Variants in LY6G6F observed in about 807,000 individuals in gnomAD.
The protein encoded by LY6G6F is lymphocyte antigen 6 complex locus protein G6f.
LY6G6F carries 26 observed loss-of-function variants against 33.0 expected under a neutral mutation model. The observed-to-expected ratio is 0.79, with a 90% CI of 0.58 to 1.09. The LOEUF (loss-of-function observed/expected upper bound fraction) is 1.09. LY6G6F is among the 50% of genes least tolerant of loss of function. LY6G6F has a pLI of 0.00. For synonymous variants in LY6G6F, 132 were observed against 148.1 expected, an observed-to-expected ratio of 0.89 and a Z score of 0.79; for missense variants, 317 against 372.0, an observed-to-expected ratio of 0.85 and a Z score of 1.22.
In LY6G6F at chr6:31,707,796, G is replaced by A; in HGVS notation, c.382+9G>A. 6.2e-7 allele frequency: 1 copy of A among 1,610,646 alleles called. No homozygotes were observed. ...CGTCTTGGTGCTCAAAGGTGAGTGG[G>A]GGCATGCAGACCAGGGGCTACTGTG... On this transcript the variant is annotated intron_variant, in intron 2 of 5. Coordinates refer to ENST00000375832, the MANE Select transcript of LY6G6F (RefSeq NM_001003693.3). This position sits in a 1 kb window ranked among gnomAD's most constrained non-coding sequence, Gnocchi z 4.1.
At chr6:31,709,977 G>A (rs776428825) in intron 3 of LY6G6F, 49 bp from the exon 4 acceptor site, 1 of 1,569,052 alleles carries the variant, frequency 6.4e-7, no homozygotes, top group African/African-American at 1.3e-5. Flanking sequence ...ACAGGGACAG[G>A]GCCCCTCACT....
intron 3 of LY6G6F, 70 bp downstream of exon 3, chr6:31,708,204 C>G (rs756126233): frequency 1.1e-5 from 17 of 1,487,724 alleles, no homozygotes; most frequent in Middle Eastern, 2.2e-4. Flanking sequence ...GAATTACAGG[C>G]GCCCGCCACC....
At chr6:31,708,320 C>G (rs1485687051) in intron 3 of LY6G6F, among the ~76,000 whole-genome samples, 186 bp downstream of exon 3, 5 of 152,190 alleles carry the variant, frequency 3.3e-5, no homozygotes, top group Non-Finnish European at 7.3e-5. Context: ...CTCAGTCTCC[C>G]AAAGTGCTGG....
Position 31,707,968 on chromosome 6 carries a change from G to A in LY6G6F, c.480G>A (p.Gln160=). The A allele has an allele frequency of 6.2e-7, 1 of 1,613,128 alleles. No individual in the cohort carries two copies. The highest frequency in any genetic ancestry group is 8.5e-7 in the Non-Finnish European group (1 of 1,180,040). Residue 160 remains glutamine, a synonymous_variant, in exon 3 of 6, where the codon CAG becomes CAA. Coordinates refer to ENST00000375832, the MANE Select transcript of LY6G6F (RefSeq NM_001003693.3). The surrounding 1 kb of genome is among the most constrained non-coding windows in gnomAD (Gnocchi z 4.1). ...PSRRMDSVTW[Q]EGKGPVRGRV... ...GACGCATGGACTCTGTGACCTGGCA[G>A]GAAGGGAAGGGTCCCGTGAGGGGCC... is the stretch of plus-strand genomic sequence containing the variant.
At position 31,710,522 on chromosome 6, in the gene LY6G6F, A is replaced by C. The variant is rs747955485; in HGVS notation, c.870-45A>C. 1 of 1,613,932 alleles carries C rather than the reference A, an allele frequency of 6.2e-7. No homozygotes were observed. Among genetic ancestry groups the C allele is most frequent in the African/African-American group, 1.3e-5 (1 of 74,878 alleles). The stretch of plus-strand genomic sequence containing the variant: ...ATGGGCCCTCGTTCCTGAGGATGTG[A>C]AAAGTAGAGGTATCCTTAATCTGTC... On this transcript the variant is annotated intron_variant, in intron 5 of 5. Coordinates refer to ENST00000375832, the MANE Select transcript of LY6G6F (RefSeq NM_001003693.3). The surrounding 1 kb of genome is among the most constrained non-coding windows in gnomAD (Gnocchi z 4.7).
In LY6G6F at chr6:31,706,976, C is replaced by T. The variant is rs76391889; in HGVS notation, c.52+18C>T. 2.5e-5 allele frequency: 41 copies of T among 1,613,134 alleles called. No individual in the cohort carries two copies. The highest frequency in any genetic ancestry group is 6.7e-5 in the East Asian group (3 of 44,860). Reference sequence around the variant, plus strand: ...GGCTGCAGGTAAGGGGCAAGAGGTACGGGATTCCTTAGCTATTTGCAAGGT... The same window carrying T: ...GGCTGCAGGTAAGGGGCAAGAGGTATGGGATTCCTTAGCTATTTGCAAGGT... On this transcript the variant is annotated intron_variant, in intron 1 of 5. Transcript: ENST00000375832.
In LY6G6F at chr6:31,707,542, A is replaced by G; in HGVS notation, c.137A>G (p.His46Arg). ...CCACCTACTCTACATGGGGACGAAC[A>G]CCTGTCATGGTTCTGCAGCCCTGCA... ...PSPPTLHGDE[H>R]LSWFCSPAAG... The change falls in exon 2 of 6, where the codon CAC becomes CGC. Residue 46 changes from histidine (H) to arginine (R), a missense_variant. Physicochemically the swap from His to Arg is conservative, Grantham distance 29. Transcript: ENST00000375832. This position sits in a 1 kb window ranked among gnomAD's most constrained non-coding sequence, Gnocchi z 4.1. The G allele has an allele frequency of 6.2e-7, 1 of 1,614,042 alleles. No homozygotes were observed. The highest frequency in any genetic ancestry group is 8.5e-7 in the Non-Finnish European group (1 of 1,179,978).
intron 3 of LY6G6F, 76 bp from the exon 4 acceptor site, chr6:31,709,950 A>G: frequency 1.4e-6 from 2 of 1,450,278 alleles, no homozygotes; most frequent in Non-Finnish European, 1.9e-6. Flanking sequence ...TGTGGAGGGG[A>G]AGCCTCTCTT....
In LY6G6F at chr6:31,709,967, A is replaced by C. The variant is rs1805903791; in HGVS notation, c.647-59A>C. 3.9e-6 allele frequency: 6 copies of C among 1,536,390 alleles called. 1 individual carries two copies. The South Asian group carries it at 7.2e-5, about 18-fold the overall frequency. On this transcript the variant is annotated intron_variant, in intron 3 of 5. Transcript: ENST00000375832. ...TGGAGGGGAAGCCTCTCTTTGGGGC[A>C]CAGGGACAGGGCCCCTCACTACCTC... is the stretch of plus-strand genomic sequence containing the variant.
Position 31,710,255 on chromosome 6 carries a change from T to C in LY6G6F, c.802+74T>C, listed in dbSNP as rs1282278554. 8 of 1,611,836 alleles carry C rather than the reference T, an allele frequency of 5.0e-6. No individual in the cohort carries two copies. Among genetic ancestry groups the C allele is most frequent in the Non-Finnish European group, 6.8e-6 (8 of 1,179,284 alleles). On this transcript the variant is annotated intron_variant, in intron 4 of 5. Coordinates refer to ENST00000375832, the MANE Select transcript of LY6G6F (RefSeq NM_001003693.3). This position sits in a 1 kb window ranked among gnomAD's most constrained non-coding sequence, Gnocchi z 4.7. ...CAAAGGGCTAGGCTCACACCCCGCCTCTGTACCCCACCTCCTCTAGGGGAG... is the reference window on the plus strand; with the variant it reads ...CAAAGGGCTAGGCTCACACCCCGCCCCTGTACCCCACCTCCTCTAGGGGAG...
chr6:31,709,080 T>TC (rs1805830083), intron 3 of LY6G6F, among the ~76,000 whole-genome samples: 1 of 139,530 alleles, frequency 7.2e-6, no homozygotes, highest in Non-Finnish European at 1.5e-5. Flanking sequence ...TTTTTTTTTT[T>TC]TTTTTTTTTT....
At position 31,710,631 on chromosome 6, in the gene LY6G6F, G is replaced by T; in HGVS notation, c.*40G>T. The T allele has an allele frequency of 6.2e-7, 1 of 1,613,536 alleles. No homozygotes were observed. Among genetic ancestry groups the T allele is most frequent in the South Asian group, 1.1e-5 (1 of 91,060 alleles). On this transcript the variant is annotated 3_prime_UTR_variant, in exon 6 of 6. Coordinates refer to ENST00000375832, the MANE Select transcript of LY6G6F (RefSeq NM_001003693.3). The surrounding 1 kb of genome is among the most constrained non-coding windows in gnomAD (Gnocchi z 4.7). Reference sequence around the variant, plus strand: ...GCTGGGAAGTGTGACCTGCTGTCTCGCTGGCCATCTGGCACCTGGAAGATT... The same window carrying T: ...GCTGGGAAGTGTGACCTGCTGTCTCTCTGGCCATCTGGCACCTGGAAGATT...
At position 31,707,015 on chromosome 6, in the gene LY6G6F, C is replaced by T. The variant is rs1345005406; in HGVS notation, c.52+57C>T. ...TATTTGCAAGGTTGGGGAGGGACTA[C>T]TGCTCTTTCTCCTAGGAGCCTGGCG... On this transcript the variant is annotated intron_variant, in intron 1 of 5. Coordinates refer to ENST00000375832, the MANE Select transcript of LY6G6F (RefSeq NM_001003693.3). The surrounding 1 kb of genome is among the most constrained non-coding windows in gnomAD (Gnocchi z 4.1). 2 of 1,561,442 alleles carry T rather than the reference C, an allele frequency of 1.3e-6. No homozygotes were observed. The highest frequency in any genetic ancestry group is 1.8e-6 in the Non-Finnish European group (2 of 1,132,246).
At position 31,707,617 on chromosome 6, in the gene LY6G6F, C is replaced by T. The variant is rs1484462579; in HGVS notation, c.212C>T (p.Ala71Val). Reference protein sequence around the residue: ...LVAQVQVGRPAPDPGKPGRES... With the variant: ...LVAQVQVGRPVPDPGKPGRES... ...GCCCAAGTCCAAGTGGGCAGGCCAG[C>T]CCCAGACCCTGGAAAACCAGGAAGG... The change falls in exon 2 of 6, where the codon GCC (alanine) becomes GTC (valine). Residue 71 changes from alanine (A) to valine (V), a missense_variant. Physicochemically the swap from Ala to Val is moderately conservative, Grantham distance 64. Coordinates refer to ENST00000375832, the MANE Select transcript of LY6G6F (RefSeq NM_001003693.3). The surrounding 1 kb of genome is among the most constrained non-coding windows in gnomAD (Gnocchi z 4.1). 1 of 1,613,794 alleles carries T rather than the reference C, an allele frequency of 6.2e-7. No homozygotes were observed. The highest frequency in any genetic ancestry group is 8.5e-7 in the Non-Finnish European group (1 of 1,179,824).
At position 31,706,948 on chromosome 6, in the gene LY6G6F, C is replaced by G; in HGVS notation, c.42C>G (p.Pro14=). ...LFLLLFLCGT[P]QAADNMQAIY... The stretch of plus-strand genomic sequence containing the variant: ...TCCTCCTGTTCCTATGTGGAACTCC[C>G]CAGGCTGCAGGTAAGGGGCAAGAGG... Residue 14 remains proline, a synonymous_variant, in exon 1 of 6, where the codon CCC becomes CCG. Transcript: ENST00000375832. 1 of 1,614,088 alleles carries G rather than the reference C, an allele frequency of 6.2e-7. No individual in the cohort carries two copies. The highest frequency in any genetic ancestry group is 8.5e-7 in the Non-Finnish European group (1 of 1,180,010).
At position 31,708,047 on chromosome 6, in the gene LY6G6F, G is replaced by A. The variant is rs1241620514; in HGVS notation, c.559G>A (p.Glu187Lys). ...TGCCCTGCTCTTGGTGTGTCCTGGG[G>A]AGGGGCTTTCTGAGCCCAGGAGCCG... ...EAALLLVCPGEGLSEPRSRRP... is the reference protein window; with the variant it reads ...EAALLLVCPGKGLSEPRSRRP... The change falls in exon 3 of 6, where the codon GAG (glutamate) becomes AAG (lysine). Residue 187 changes from glutamate to lysine, a missense_variant. Physicochemically the swap from Glu to Lys is moderately conservative, Grantham distance 56 (BLOSUM62 1). Coordinates refer to ENST00000375832, the MANE Select transcript of LY6G6F (RefSeq NM_001003693.3). The A allele has an allele frequency of 6.2e-7, 1 of 1,611,764 alleles. No individual in the cohort carries two copies. Among genetic ancestry groups the A allele is most frequent in the East Asian group, 2.2e-5 (1 of 44,866 alleles).
rs1252174984 is a variant in LY6G6F at position 31,707,187 on chromosome 6, G to T, written c.52+229G>T. On this transcript the variant is annotated intron_variant, in intron 1 of 5. Coordinates refer to ENST00000375832, the MANE Select transcript of LY6G6F (RefSeq NM_001003693.3). The surrounding 1 kb of genome is among the most constrained non-coding windows in gnomAD (Gnocchi z 4.1). Reference sequence around the variant, plus strand: ...ATGAGTAAATGCTTCCAGAAAAGTAGAAATGAGTAGAAGAGATGTGGGCAT... The same window carrying T: ...ATGAGTAAATGCTTCCAGAAAAGTATAAATGAGTAGAAGAGATGTGGGCAT... Among the ~76,000 whole-genome samples the T allele has an allele frequency of 6.6e-6, 1 of 152,194 alleles. No homozygotes were observed. Among genetic ancestry groups the T allele is most frequent in the Non-Finnish European group, 1.5e-5 (1 of 68,034 alleles).
In LY6G6F at chr6:31,707,799, C is replaced by T. The variant is rs745615547; in HGVS notation, c.382+12C>T. 4.3e-6 allele frequency: 7 copies of T among 1,610,204 alleles called. No individual in the cohort carries two copies. The highest frequency in any genetic ancestry group is 5.1e-6 in the Non-Finnish European group (6 of 1,176,970). ...CTTGGTGCTCAAAGGTGAGTGGGGG[C>T]ATGCAGACCAGGGGCTACTGTGGCC... On this transcript the variant is annotated intron_variant, in intron 2 of 5. Coordinates refer to ENST00000375832, the MANE Select transcript of LY6G6F (RefSeq NM_001003693.3). The surrounding 1 kb of genome is among the most constrained non-coding windows in gnomAD (Gnocchi z 4.1).
rs375212175 is a variant in LY6G6F at position 31,706,936 on chromosome 6, A to G, written c.30A>G (p.Leu10=). The G allele has an allele frequency of 3.7e-6, 6 of 1,613,862 alleles. No individual in the cohort carries two copies. In the African/African-American group the frequency reaches 4.0e-5, roughly 11 times the overall value. Residue 10 remains leucine, a synonymous_variant, in exon 1 of 6, where the codon CTA becomes CTG. Coordinates refer to ENST00000375832, the MANE Select transcript of LY6G6F (RefSeq NM_001003693.3). MAVLFLLLF[L]CGTPQAADNM... is the part of the protein sequence containing the mutation. ...CAGTCTTATTCCTCCTCCTGTTCCT[A>G]TGTGGAACTCCCCAGGCTGCAGGTA...
Sources: allele counts gnomAD v4.1 joint callset (sites outside exome capture counted in the v4.1 genomes callset), GRCh38; gene constraint gnomAD v4.1.1; non-coding constraint Gnocchi (gnomAD v3.1); transcripts MANE v1.5; gene names NCBI Gene and HGNC (gene_info 2026-07-23, HGNC 2026-07-21).